Variants in CHRM3 observed in about 807,000 individuals in gnomAD.
The protein encoded by CHRM3 is muscarinic acetylcholine receptor M3.
A neutral mutation model predicts 41.8 loss-of-function variants in CHRM3; 11 were observed. The observed-to-expected ratio is 0.26, with a 90% confidence interval of 0.17 to 0.44. CHRM3 has a LOEUF of 0.44. CHRM3 is among the 20% of genes least tolerant of loss of function. The pLI, the probability that CHRM3 is intolerant of heterozygous loss-of-function variation, is 1.00. For synonymous variants in CHRM3, 297 were observed against 301.4 expected, an observed-to-expected ratio of 0.99 and a Z score of 0.15; for missense variants, 571 against 745.4, an observed-to-expected ratio of 0.77 and a Z score of 2.72.
At chr1:239,681,702 G>C (rs2149100020) in intron 5 of CHRM3, among the ~76,000 whole-genome samples, 1 of 152,222 alleles carries the variant, frequency 6.6e-6, no homozygotes, top group Non-Finnish European at 1.5e-5. Flanking sequence ...AGACCGGCCT[G>C]AGCTGAACGT....
intron 4 of CHRM3, among the ~76,000 whole-genome samples, chr1:239,643,760 G>A (rs375758787): frequency 2.0e-5 from 3 of 152,144 alleles, no homozygotes; most frequent in South Asian, 2.1e-4. Flanking sequence ...GCTCATGCAC[G>A]GTGCGCTGCA....
chr1:239,614,182 TA>T (rs1445275889), intron 3 of CHRM3, among the ~76,000 whole-genome samples: 2 of 151,874 alleles, frequency 1.3e-5, no homozygotes, highest in East Asian at 3.9e-4. Flanking sequence ...ATAATGATAA[TA>T]ATAACAAATT....
chr1:239,511,410 T>C (rs1296980715), intron 2 of CHRM3, among the ~76,000 whole-genome samples: 1 of 152,238 alleles, frequency 6.6e-6, no homozygotes, highest in African/African-American at 2.4e-5. Flanking sequence ...TTTGTTACTA[T>C]GTAACTGAAA....
chr1:239,885,577 G>A lies in CHRM3; in HGVS notation c.-19-21856G>A, dbSNP rs144325483. On this transcript the variant is annotated intron_variant, in intron 6 of 6. Coordinates refer to ENST00000676153, the MANE Select transcript of CHRM3 (RefSeq NM_001375978.1). ...AAAGCCCTCAGTATATTTTTTGCCT[G>A]TAGGTAAGTTTATTGGGTAATAACT... Among the ~76,000 whole-genome samples the A allele has an allele frequency of 1.0e-3, 158 of 152,168 alleles. 3 individuals are homozygous for A. Among genetic ancestry groups the A allele is most frequent in the African/African-American group, 3.3e-3 (135 of 41,522 alleles).
At chr1:239,818,681 G>A (rs542880766) in intron 5 of CHRM3, among the ~76,000 whole-genome samples, 16 of 152,274 alleles carry the variant, frequency 1.1e-4, no homozygotes, top group Admixed American at 9.8e-4. Flanking sequence ...GATCTAATTG[G>A]CTTTTATTTG....
chr1:239,448,775 T>TTTTG (rs901754584), intron 1 of CHRM3, among the ~76,000 whole-genome samples: 14 of 152,150 alleles, frequency 9.2e-5, no homozygotes, highest in African/African-American at 3.4e-4. Flanking sequence ...CATTAGTATT[T>TTTTG]TTTGTTTGTT....
intron 3 of CHRM3, among the ~76,000 whole-genome samples, chr1:239,575,548 C>A (rs1046664047): frequency 6.6e-6 from 1 of 152,036 alleles, no homozygotes; most frequent in African/African-American, 2.4e-5. Flanking sequence ...CTAGGTTGAG[C>A]CAGTTTTTTT....
intron 3 of CHRM3, among the ~76,000 whole-genome samples, chr1:239,602,780 T>G (rs1239131207): frequency 6.6e-6 from 1 of 152,224 alleles, no homozygotes; most frequent in Non-Finnish European, 1.5e-5. Context: ...TTTAAAATTT[T>G]TTTAATTATG....
At position 239,529,624 on chromosome 1, in the gene CHRM3, A is replaced by C. The variant is rs865811611; in HGVS notation, c.-421-16017A>C. Among the ~76,000 whole-genome samples, 484 of 79,372 alleles carry C rather than the reference A, an allele frequency of 6.1e-3. 7 individuals carry two copies. The highest frequency in any genetic ancestry group is 0.015 in the African/African-American group (453 of 29,990). 52.1% of individuals were successfully genotyped at this position (79,372 alleles called of 152,430 possible). On this transcript the variant is annotated intron_variant, in intron 2 of 6. Transcript: ENST00000676153. ...GACTCCGTCTCAAAAAAAAAAAAAAAAAAAAAACAAACAAACAACAACAAT... is the reference window on the plus strand; with the variant it reads ...GACTCCGTCTCAAAAAAAAAAAAAACAAAAAAACAAACAAACAACAACAAT...
In CHRM3 at chr1:239,433,067, TCTC is replaced by T. The variant is rs552927338; in HGVS notation, c.-521+45846_-521+45848del. On this transcript the variant is annotated intron_variant, in intron 1 of 6. Transcript: ENST00000676153. ...AAATCTTTACCTTTATTTCTAGCTT[TCTC>T]CTCCTATCCATGTTTCCATCAGGCA... Among the ~76,000 whole-genome samples the T allele has an allele frequency of 2.5e-3, 379 of 152,294 alleles. 2 individuals carry two copies. Among genetic ancestry groups the T allele is most frequent in the African/African-American group, 8.8e-3 (365 of 41,556 alleles).
rs73122654 is a variant in CHRM3 at position 239,602,467 on chromosome 1, C to A, written c.-312-29757C>A. Among the ~76,000 whole-genome samples the A allele has an allele frequency of 0.011, 1,655 of 151,966 alleles. 50 individuals are homozygous for A. In the East Asian group the frequency reaches 0.11, roughly 10 times the overall value. On this transcript the variant is annotated intron_variant, in intron 3 of 6. Transcript: ENST00000676153. ...TGCCCTTTAAAGTCCATCTTAAACTCAAAAAACTGAAATAACTGTTAATAA... is the reference window on the plus strand; with the variant it reads ...TGCCCTTTAAAGTCCATCTTAAACTAAAAAAACTGAAATAACTGTTAATAA...
chr1:239,639,196 A>G (rs939353560), intron 4 of CHRM3, among the ~76,000 whole-genome samples: 26 of 151,922 alleles, frequency 1.7e-4, no homozygotes, highest in Admixed American at 3.9e-4. Flanking sequence ...GTCAGGTAGT[A>G]TGATGCCTCC....
intron 2 of CHRM3, among the ~76,000 whole-genome samples, chr1:239,536,314 G>A (rs1032645297): frequency 3.9e-5 from 6 of 152,074 alleles, no homozygotes; most frequent in African/African-American, 1.2e-4. Context: ...TGGAAGACAC[G>A]GTTACAAGTA....
rs548772215 is a variant in CHRM3 at position 239,642,622 on chromosome 1, C to T, written c.-250+10336C>T. Among the ~76,000 whole-genome samples, 17 of 152,280 alleles carry T rather than the reference C, an allele frequency of 1.1e-4. No individual in the cohort carries two copies. The South Asian group carries it at 3.3e-3, about 30-fold the overall frequency. Reference sequence around the variant, plus strand: ...GCCTTGGCTTTCAGCTCCATCAGCTCCTTTAAGCACTTCTCTGTATTGGTT... The same window carrying T: ...GCCTTGGCTTTCAGCTCCATCAGCTTCTTTAAGCACTTCTCTGTATTGGTT... On this transcript the variant is annotated intron_variant, in intron 4 of 6. Coordinates refer to ENST00000676153, the MANE Select transcript of CHRM3 (RefSeq NM_001375978.1).
intron 3 of CHRM3, among the ~76,000 whole-genome samples, chr1:239,610,190 C>CAAAAAAAAAAAAAAA (rs35512941): frequency 1.3e-5 from 1 of 77,898 alleles, no homozygotes; most frequent in Non-Finnish European, 2.4e-5. Flanking sequence ...AAGACTCTGT[C>CAAAAAAAAAAAAAAA]AAAAAAAAAA....
At chr1:239,689,404 T>C (rs1200559336) in intron 5 of CHRM3, among the ~76,000 whole-genome samples, 1 of 152,160 alleles carries the variant, frequency 6.6e-6, no homozygotes, top group Admixed American at 6.5e-5. Context: ...GGCTAAATGT[T>C]GCTTACATAA....
intron 3 of CHRM3, among the ~76,000 whole-genome samples, chr1:239,602,110 GTATATATA>G (rs1186014237): frequency 3.5e-5 from 4 of 112,862 alleles, no homozygotes; most frequent in African/African-American, 1.4e-4. Context: ...GTGTGTGTGT[GTATATATA>G]TATATATATA....
chr1:239,692,968 T>G (rs1425393256), intron 5 of CHRM3, among the ~76,000 whole-genome samples: 2 of 152,248 alleles, frequency 1.3e-5, no homozygotes, highest in African/African-American at 4.8e-5. Flanking sequence ...TCCAACAGTT[T>G]CTATGAATTT....
intron 5 of CHRM3, among the ~76,000 whole-genome samples, chr1:239,690,862 C>CT (rs1659649882): frequency 6.6e-6 from 1 of 151,544 alleles, no homozygotes; most frequent in Non-Finnish European, 1.5e-5. Flanking sequence ...AACAAAGTAC[C>CT]TAAATGTATA....
Sources: gnomAD v4.1 joint callset for allele counts (sites outside exome capture counted in the v4.1 genomes callset) on GRCh38, gnomAD v4.1.1 for gene constraint, MANE v1.5 for transcripts, NCBI Gene and HGNC (gene_info 2026-07-23, HGNC 2026-07-21) for gene names.